Variants in CELSR1 observed in about 807,000 individuals in gnomAD.
CELSR1 encodes the protein adhesion G protein-coupled receptor C1.
Under a neutral mutation model 249.1 loss-of-function variants are expected in CELSR1, and 110 were observed. The observed-to-expected ratio is 0.44, with a 90% CI of 0.38 to 0.52. CELSR1 has a LOEUF of 0.52. CELSR1 is among the 20% of genes least tolerant of loss of function. The pLI, the probability that CELSR1 is intolerant of heterozygous loss-of-function variation, is 0.00. For synonymous variants in CELSR1, 2,113 were observed against 1,900.0 expected, an observed-to-expected ratio of 1.11 and a Z score of -2.92; for missense variants, 4,109 against 4,296.4, an observed-to-expected ratio of 0.96 and a Z score of 1.22.
chr22:46,489,554 C>T (rs2080347763), intron 1 of CELSR1, among the ~76,000 whole-genome samples: 1 of 152,092 alleles, frequency 6.6e-6, no homozygotes, highest in African/African-American at 2.4e-5. Flanking sequence ...ACATGGCCCA[C>T]ACTTGGACAG....
intron 1 of CELSR1, among the ~76,000 whole-genome samples, chr22:46,503,771 GGTAAT>G (rs1463181881): frequency 1.3e-5 from 2 of 152,186 alleles, no homozygotes; most frequent in Non-Finnish European, 2.9e-5. Context: ...GTCTCACGCC[GGTAAT>G]CCCAGCACTT....
intron 1 of CELSR1, among the ~76,000 whole-genome samples, chr22:46,469,388 C>A (rs1179831750): frequency 6.6e-6 from 1 of 152,198 alleles, no homozygotes; most frequent in African/African-American, 2.4e-5. Context: ...TTCTCAGACA[C>A]TGGCTACACC....
chr22:46,420,822 G>A (rs997197312), intron 5 of CELSR1, among the ~76,000 whole-genome samples: 2 of 152,230 alleles, frequency 1.3e-5, no homozygotes, highest in Middle Eastern at 3.4e-3. Context: ...CCCACTAAGG[G>A]GTGACATGCT....
At chr22:46,489,972 C>T (rs1053565343) in intron 1 of CELSR1, among the ~76,000 whole-genome samples, 3 of 152,114 alleles carry the variant, frequency 2.0e-5, no homozygotes, top group Non-Finnish European at 4.4e-5. Context: ...TCCAGATGCG[C>T]TGCCCAGCCT....
At chr22:46,425,363 G>A (rs550620213) in intron 5 of CELSR1, among the ~76,000 whole-genome samples, 1 of 152,334 alleles carries the variant, frequency 6.6e-6, no homozygotes, top group Non-Finnish European at 1.5e-5. Context: ...CAGAATTGAT[G>A]TAATTCTTTA....
Position 46,410,865 on chromosome 22 carries a change from C to T in CELSR1, c.4770-304G>A, listed in dbSNP as rs1015714427. The stretch of plus-strand genomic sequence containing the variant: ...GGATGTGAGCGCAGGGAGCACAGGT[C>T]AAGGCCAGCAGGGACTATACTTTAC... On this transcript the variant is annotated intron_variant, in intron 6 of 34. Coordinates refer to ENST00000674500, the MANE Select transcript of CELSR1 (RefSeq NM_001378328.1). This position sits in a 1 kb window ranked among gnomAD's most constrained non-coding sequence, Gnocchi z 6.8. Among the ~76,000 whole-genome samples the T allele has an allele frequency of 2.0e-5, 3 of 151,790 alleles. No individual in the cohort carries two copies. The highest frequency in any genetic ancestry group is 4.4e-5 in the Non-Finnish European group (3 of 67,988).
At chr22:46,378,746 G>A (rs747875287) in intron 22 of CELSR1, 29 bp from the exon 23 acceptor site, 23 of 1,602,076 alleles carry the variant, frequency 1.4e-5, no homozygotes, top group Middle Eastern at 1.7e-4. Context: ...AGGGGCAGGG[G>A]TAAGACGGTT....
At chr22:46,460,211 A>ACACCCACACC (rs1555922665) in intron 2 of CELSR1, among the ~76,000 whole-genome samples, 83 of 148,972 alleles carry the variant, frequency 5.6e-4, no homozygotes, top group South Asian at 1.1e-3. Context: ...ACACACACAC[A>ACACCCACACC]CACACCCATT....
At chr22:46,511,750 G>A (rs912231954) in intron 1 of CELSR1, among the ~76,000 whole-genome samples, 6 of 152,128 alleles carry the variant, frequency 3.9e-5, no homozygotes, top group Admixed American at 2.6e-4. Context: ...GAGAGTAGGG[G>A]GCAGAAGAAG....
At chr22:46,525,742 G>A (rs1350097832) in intron 1 of CELSR1, among the ~76,000 whole-genome samples, 3 of 152,222 alleles carry the variant, frequency 2.0e-5, no homozygotes, top group African/African-American at 7.2e-5. Flanking sequence ...TAAGGTGGCC[G>A]CTGCCAGGGG....
rs1488294126 is a variant in CELSR1, at chr22:46,481,552, G to A, written c.3545-17207C>T. On this transcript the variant is annotated intron_variant, in intron 1 of 34. Coordinates refer to ENST00000674500, the MANE Select transcript of CELSR1 (RefSeq NM_001378328.1). ...CAGCTCACTGGTGATCAAAGCCTGG[G>A]CTTAAGCCAGAGGCACATGGTGGCA... 5 of 1,211,438 alleles carry A rather than the reference G, an allele frequency of 4.1e-6. No homozygotes were observed. In the African/African-American group the frequency reaches 7.6e-5, roughly 18 times the overall value. The allele number at this position is 1,211,438 out of a possible 1,614,324, so 75.0% of individuals were successfully genotyped here. A position where few individuals can be genotyped will look rare whatever the true frequency, so the allele number is the denominator to read the frequency against.
intron 2 of CELSR1, among the ~76,000 whole-genome samples, chr22:46,443,682 CAT>C (rs566441958): frequency 6.2e-4 from 94 of 152,292 alleles, no homozygotes; most frequent in African/African-American, 1.6e-3. Context: ...CATACATACA[CAT>C]GCGTTGACAC....
At chr22:46,420,538 C>T (rs1159018086) in intron 5 of CELSR1, among the ~76,000 whole-genome samples, 1 of 152,096 alleles carries the variant, frequency 6.6e-6, no homozygotes, top group Non-Finnish European at 1.5e-5. Context: ...CTTGCATGTG[C>T]ACACACAGAT....
chr22:46,475,186 C>A (rs542181039), intron 1 of CELSR1, among the ~76,000 whole-genome samples: 2 of 152,152 alleles, frequency 1.3e-5, no homozygotes, highest in South Asian at 2.1e-4. Context: ...ACGAAAGAAC[C>A]ACATCCCCAG....
rs575457963 is a variant in CELSR1 at position 46,365,563 on chromosome 22, C to G, written c.8404+23G>C. ...CGTGGGAAAAACAACCCACGGGGTC[C>G]TCCCCCTCCAGGGAAGCCATACCAG... is the stretch of plus-strand genomic sequence containing the variant. On this transcript the variant is annotated intron_variant, in intron 31 of 34. Transcript: ENST00000674500. 3.8e-6 allele frequency: 6 copies of G among 1,569,802 alleles called. No individual in the cohort carries two copies. In the South Asian group the frequency reaches 5.8e-5, roughly 15 times the overall value.
At chr22:46,491,242 G>T (rs1385091707) in intron 1 of CELSR1, among the ~76,000 whole-genome samples, 1 of 147,032 alleles carries the variant, frequency 6.8e-6, no homozygotes, top group East Asian at 2.0e-4. Context: ...CTATACTAAA[G>T]AAATCTAGCC....
rs116970493 is a variant in CELSR1 at position 46,433,089 on chromosome 22, C to T, written c.4611+304G>A. Among the ~76,000 whole-genome samples, 5,535 of 152,084 alleles carry T rather than the reference C, an allele frequency of 0.036. 134 individuals carry two copies. The highest frequency in any genetic ancestry group is 0.051 in the Non-Finnish European group (3,496 of 67,962). On this transcript the variant is annotated intron_variant, in intron 5 of 34. Coordinates refer to ENST00000674500, the MANE Select transcript of CELSR1 (RefSeq NM_001378328.1). This position sits in a 1 kb window ranked among gnomAD's most constrained non-coding sequence, Gnocchi z 5.7. ...TTACCCAGGCTGGAATACAGTGGCA[C>T]GATCTCGGCTCACTGTAACTTCTGC...
chr22:46,530,458 A>T (rs571073816), intron 1 of CELSR1: 1 of 152,188 alleles, frequency 6.6e-6, no homozygotes, highest in South Asian at 2.1e-4. Flanking sequence ...GGCAGAGCAC[A>T]TTCAAGGCTT....
chr22:46,504,402 C>A (rs2080493911), intron 1 of CELSR1, among the ~76,000 whole-genome samples: 1 of 150,930 alleles, frequency 6.6e-6, no homozygotes, highest in Admixed American at 6.6e-5. Context: ...TAGTCCCAAC[C>A]ACTTGGGAGG....
Sources: allele counts gnomAD v4.1 joint callset (sites outside exome capture counted in the v4.1 genomes callset), GRCh38; gene constraint gnomAD v4.1.1; non-coding constraint Gnocchi (gnomAD v3.1); transcripts MANE v1.5; gene names NCBI Gene and HGNC (gene_info 2026-07-23, HGNC 2026-07-21).